PDE1C: variants seen among roughly 807,000 people sequenced by gnomAD.
PDE1C encodes the protein phosphodiesterase 1C.
In PDE1C, 62 loss-of-function variants were observed where a neutral mutation model predicts 93.1. The observed-to-expected ratio is 0.67, with a 90% CI of 0.54 to 0.82. The LOEUF (loss-of-function observed/expected upper bound fraction) is 0.82. PDE1C is among the 40% of genes least tolerant of loss of function. PDE1C has a pLI of 0.00. For missense variants in PDE1C, 742 were observed against 884.6 expected, an observed-to-expected ratio of 0.84 and a Z score of 2.04; for synonymous variants, 325 against 310.1, an observed-to-expected ratio of 1.05 and a Z score of -0.50.
intron 2 of PDE1C, among the ~76,000 whole-genome samples, chr7:31,969,797 G>A (rs1015797312): frequency 2.0e-5 from 3 of 152,164 alleles, no homozygotes; most frequent in African/African-American, 7.2e-5. Context: ...ATACACCATG[G>A]AATACTATGC....
the PDE1C span, among the ~76,000 whole-genome samples, chr7:31,738,349 A>G: frequency 6.6e-6 from 1 of 152,200 alleles, no homozygotes; most frequent in South Asian, 2.1e-4. Context: ...CGGTAGGTGA[A>G]TGAGGAGCAA....
At chr7:31,655,376 T>C in the PDE1C span, among the ~76,000 whole-genome samples, 2 of 152,142 alleles carry the variant, frequency 1.3e-5, no homozygotes, top group African/African-American at 4.8e-5. Context: ...CAGAACGAAT[T>C]ACCTGGCGAC....
chr7:31,758,752 G>C (rs1794636572), intron 17 of PDE1C, among the ~76,000 whole-genome samples: 1 of 152,066 alleles, frequency 6.6e-6, no homozygotes, highest in Admixed American at 6.6e-5. Context: ...AGAAATTATG[G>C]CATCAAATTG....
chr7:32,013,575 A>C (rs1787460491), intron 2 of PDE1C, among the ~76,000 whole-genome samples: 1 of 152,216 alleles, frequency 6.6e-6, no homozygotes, highest in South Asian at 2.1e-4. Context: ...GCAAAGGCAG[A>C]GGAGAATAAA....
Position 32,187,794 on chromosome 7 carries a change from C to A in PDE1C, c.137-17838G>T, listed in dbSNP as rs190579876. On this transcript the variant is annotated intron_variant, in intron 2 of 18. Transcript: ENST00000396193. ...AAATCTGGTCATTTTAACATATAAT[C>A]AATACAAACAATATTAATGGAATTT... is the stretch of plus-strand genomic sequence containing the variant. 2.7e-3 allele frequency among the ~76,000 whole-genome samples: 409 copies of A among 151,328 alleles called. 1 individual carries two copies. Among genetic ancestry groups the A allele is most frequent in the Admixed American group, 7.3e-3 (111 of 15,246 alleles).
At position 32,398,344 on chromosome 7, in the gene PDE1C, A is replaced by G. The variant is rs184166208; in HGVS notation, c.310+29478T>C. Reference sequence around the variant, plus strand: ...AAAAGAAAAAGTGAGGAAGATCTGTATGAACTGATACGGGATGATTTCCAA... The same window carrying G: ...AAAAGAAAAAGTGAGGAAGATCTGTGTGAACTGATACGGGATGATTTCCAA... On this transcript the variant is annotated intron_variant, in intron 1 of 1. Coordinates refer to the PDE1C transcript ENST00000672256. Among the ~76,000 whole-genome samples, 628 of 151,544 alleles carry G rather than the reference A, an allele frequency of 4.1e-3. 6 individuals are homozygous for G. Among genetic ancestry groups the G allele is most frequent in the Middle Eastern group, 6.8e-3 (2 of 292 alleles).
Position 31,882,490 on chromosome 7 carries a change from T to G in PDE1C, c.129-1630A>C, listed in dbSNP as rs74900296. 3.5e-3 allele frequency among the ~76,000 whole-genome samples: 537 copies of G among 152,264 alleles called. 4 individuals carry two copies. The highest frequency in any genetic ancestry group is 0.012 in the African/African-American group (516 of 41,556). On this transcript the variant is annotated intron_variant, in intron 2 of 17. Transcript: ENST00000396191. ...AGCAAAACACATTCCTGGCTAAGTC[T>G]GCCTCCAGTTCTGATTCTCACCTCA...
At chr7:32,304,007 G>A (rs1265129711), upstream of PDE1C, among the ~76,000 whole-genome samples, 1 of 152,180 alleles carries the variant, frequency 6.6e-6, no homozygotes, top group African/African-American at 2.4e-5. Context: ...CAGTGGGGGT[G>A]AGGGAGACCA....
Position 32,058,600 on chromosome 7 carries a change from G to A in PDE1C, c.102-7020C>T, listed in dbSNP as rs143301961. Among the ~76,000 whole-genome samples the A allele has an allele frequency of 2.6e-3, 403 of 152,236 alleles. 1 individual carries two copies. Among genetic ancestry groups the A allele is most frequent in the African/African-American group, 9.4e-3 (392 of 41,540 alleles). ...ATCATTTGTATGAATTAATCTACGC[G>A]CTACTGAGAATGGAAAGTCTTTGTA... On this transcript the variant is annotated intron_variant, in intron 1 of 17. Transcript: ENST00000396191.
rs115355612 is a variant in PDE1C at position 32,342,970 on chromosome 7, A to G, written c.310+84852T>C. On this transcript the variant is annotated intron_variant, in intron 1 of 1. Transcript: ENST00000672256. ...TGGAATATGCATCATTATCAAAGGA[A>G]AATGTTAGATTTTACCCAAGCTCAG... 4.7e-3 allele frequency among the ~76,000 whole-genome samples: 722 copies of G among 152,264 alleles called. 3 individuals carry two copies. Among genetic ancestry groups the G allele is most frequent in the African/African-American group, 0.016 (657 of 41,548 alleles).
chr7:31,753,615 A>G, intron 17 of PDE1C, 62 bp from the exon 18 acceptor site: 1 of 1,537,484 alleles, frequency 6.5e-7, no homozygotes, highest in East Asian at 2.3e-5. Context: ...GCCACAACCT[A>G]AATATTGTGA....
At chr7:32,339,244 TA>T (rs1185932529) in intron 1 of PDE1C, among the ~76,000 whole-genome samples, 1 of 152,150 alleles carries the variant, frequency 6.6e-6, no homozygotes, top group Non-Finnish European at 1.5e-5. Context: ...TTTTTAGGTT[TA>T]AAAAAATTTA....
chr7:31,646,866 T>A, the PDE1C span, among the ~76,000 whole-genome samples: 1 of 152,166 alleles, frequency 6.6e-6, no homozygotes, highest in South Asian at 2.1e-4. Flanking sequence ...CCTCTTAGAA[T>A]TTGCAATTAT....
chr7:31,780,355 C>A (rs1783312168), intron 16 of PDE1C, among the ~76,000 whole-genome samples: 1 of 152,116 alleles, frequency 6.6e-6, no homozygotes, highest in South Asian at 2.1e-4. Flanking sequence ...ACTTAAGATT[C>A]CAGAAAGCTT....
chr7:32,220,242 T>C (rs920394095), intron 1 of PDE1C, among the ~76,000 whole-genome samples: 1 of 152,196 alleles, frequency 6.6e-6, no homozygotes, highest in Non-Finnish European at 1.5e-5. Flanking sequence ...AAGAAAAGTA[T>C]ACAGAAGAGG....
intron 1 of PDE1C, among the ~76,000 whole-genome samples, chr7:32,305,328 CCTG>C (rs1181236840): frequency 6.6e-6 from 1 of 152,330 alleles, no homozygotes; most frequent in East Asian, 1.9e-4. Context: ...TCCTGGTTTT[CCTG>C]CTACCTCTGC....
rs140263982 is a variant in PDE1C, at chr7:32,038,324, A to G, written c.128+13230T>C. 1.8e-3 allele frequency among the ~76,000 whole-genome samples: 268 copies of G among 152,224 alleles called. 1 individual carries two copies. Among genetic ancestry groups the G allele is most frequent in the Admixed American group, 4.8e-3 (74 of 15,268 alleles). ...CAATAAATGAGATCCTGAAGAATTA[A>G]TCTCCCGCACAAGCAGAATAAGTGC... On this transcript the variant is annotated intron_variant, in intron 2 of 17. Transcript: ENST00000396191.
intron 3 of PDE1C, among the ~76,000 whole-genome samples, chr7:32,082,710 T>G (rs897965850): frequency 9.2e-5 from 14 of 152,178 alleles, no homozygotes; most frequent in Admixed American, 8.5e-4. Flanking sequence ...TCCACTGTTC[T>G]GCAGCCACCG....
At chr7:31,686,352 T>C in the PDE1C span, among the ~76,000 whole-genome samples, 1 of 152,178 alleles carries the variant, frequency 6.6e-6, no homozygotes, top group African/African-American at 2.4e-5. Context: ...AAAGACAGCA[T>C]GTCTCCCGCC....
Sources: allele counts gnomAD v4.1 joint callset (sites outside exome capture counted in the v4.1 genomes callset), GRCh38; gene constraint gnomAD v4.1.1; transcripts MANE v1.5; gene names NCBI Gene and HGNC (gene_info 2026-07-23, HGNC 2026-07-21).